The following PLIN3 variants were observed in gnomAD, a reference collection of about 807,000 sequenced individuals.
PLIN3 encodes perilipin 3.
A neutral mutation model predicts 35.9 loss-of-function variants in PLIN3; 30 were observed. The observed-to-expected ratio is 0.84, with a 90% CI of 0.62 to 1.13. The LOEUF is 1.13. PLIN3 is among the 50% of genes most tolerant of loss of function. PLIN3 has a pLI of 0.00. For synonymous variants in PLIN3, 261 were observed against 262.5 expected (o/e 0.99, Z 0.06); for missense variants, 603 against 596.9 (o/e 1.01, Z -0.11).
intron 1 of PLIN3, among the ~76,000 whole-genome samples, chr19:4,865,048 CG>C (rs2030803570): frequency 1.3e-5 from 2 of 151,876 alleles, no homozygotes; most frequent in South Asian, 4.2e-4. Flanking sequence ...AAATTAGGTG[CG>C]GGTGTGGTGG....
intron 7 of PLIN3, among the ~76,000 whole-genome samples, chr19:4,843,148 G>C (rs577741467): frequency 6.6e-6 from 1 of 152,068 alleles, no homozygotes; most frequent in South Asian, 2.1e-4. Context: ...CTTGAACCCA[G>C]GAGGCAGAGG....
intron 5 of PLIN3, among the ~76,000 whole-genome samples, chr19:4,850,823 G>A (rs1010146983): frequency 6.6e-6 from 1 of 151,526 alleles, no homozygotes; most frequent in South Asian, 2.1e-4. Flanking sequence ...TGCCCACCTC[G>A]GCCCACCAAA....
At chr19:4,850,851 T>G (rs968687244) in intron 5 of PLIN3, among the ~76,000 whole-genome samples, 5 of 151,788 alleles carry the variant, frequency 3.3e-5, no homozygotes, top group Non-Finnish European at 7.4e-5. Flanking sequence ...GATTACAGGC[T>G]GAGCCACCGC....
chr19:4,854,861 T>A (rs2030421006), intron 4 of PLIN3, among the ~76,000 whole-genome samples: 1 of 152,022 alleles, frequency 6.6e-6, no homozygotes, highest in Admixed American at 6.6e-5. Flanking sequence ...ACACCTGTCA[T>A]CCCGGCACTT....
chr19:4,839,447 G>A lies in PLIN3; in HGVS notation c.1050C>T (p.Gly350=). The change falls in exon 8 of 8, where the codon GGC becomes GGT. Residue 350 remains glycine, a synonymous_variant. Coordinates refer to ENST00000221957, the MANE Select transcript of PLIN3 (RefSeq NM_005817.5). ...CCTGGTCCTTCACATTGGTGGGGAG[G>A]CCCTGAATGCTGGACCCCAGGGAGG... The part of the protein sequence containing the change: ...TCTSLGSSIQ[G]LPTNVKDQVQ... The A allele has an allele frequency of 3.8e-6, 6 of 1,593,042 alleles. No individual in the cohort carries two copies. The highest frequency in any genetic ancestry group is 4.3e-6 in the Non-Finnish European group (5 of 1,165,680).
Position 4,844,785 on chromosome 19 carries a change from A to T in PLIN3, c.843T>A (p.Thr281=). ...QLSQVLSLME[T]VKQGVDQKLV... The stretch of plus-strand genomic sequence containing the variant: ...GCTTCTGATCAACGCCTTGCTTGAC[A>T]GTTTCCATCTGGGGCAGGGGAGAGA... The change falls in exon 7 of 8, where the codon ACT becomes ACA. Residue 281 remains threonine (T), a synonymous_variant. Transcript: ENST00000221957. The T allele has an allele frequency of 1.3e-6, 2 of 1,598,488 alleles. No homozygotes were observed. The highest frequency in any genetic ancestry group is 1.1e-5 in the South Asian group (1 of 88,522).
rs71170861 is a variant in PLIN3 at position 4,864,098 on chromosome 19, A to AGTGT, written c.-17-2691_-17-2688dup. ...CAGGCACGCACCACCACACCTGGCT[A>AGTGT]GTGTGTGTGTGTGTGTGTGTGTGTG... On this transcript the variant is annotated intron_variant, in intron 1 of 7. Coordinates refer to ENST00000221957, the MANE Select transcript of PLIN3 (RefSeq NM_005817.5). Among the ~76,000 whole-genome samples, 251 of 125,372 alleles carry AGTGT rather than the reference A, an allele frequency of 2.0e-3. 1 individual carries two copies. Among genetic ancestry groups the AGTGT allele is most frequent in the Middle Eastern group, 4.0e-3 (1 of 248 alleles). 82.2% of individuals were successfully genotyped at this position (125,372 alleles called of 152,430 possible). A position where few individuals can be genotyped will look rare whatever the true frequency, so the allele number is the denominator to read the frequency against.
At position 4,860,828 on chromosome 19, in the gene PLIN3, G is replaced by A. The variant is rs148133604; in HGVS notation, c.66+501C>T. Among the ~76,000 whole-genome samples, 164 of 152,088 alleles carry A rather than the reference G, an allele frequency of 1.1e-3. 2 individuals are homozygous for A. In the East Asian group the frequency reaches 0.015, roughly 14 times the overall value. On this transcript the variant is annotated intron_variant, in intron 2 of 7. Transcript: ENST00000221957. ...TCTACTAAAAATACAAAAATTAGCCGGGCGTGGTGGCACATGCCTGTTACC... is the reference window on the plus strand; with the variant it reads ...TCTACTAAAAATACAAAAATTAGCCAGGCGTGGTGGCACATGCCTGTTACC...
At chr19:4,857,368 G>C (rs1196159426) in intron 4 of PLIN3, among the ~76,000 whole-genome samples, 6 of 151,942 alleles carry the variant, frequency 3.9e-5, no homozygotes, top group Middle Eastern at 3.4e-3. Flanking sequence ...CCAGGAGTCT[G>C]AGAACAGCCT....
chr19:4,856,477 G>A (rs2030479652), intron 4 of PLIN3, among the ~76,000 whole-genome samples: 1 of 151,808 alleles, frequency 6.6e-6, no homozygotes, highest in Admixed American at 6.6e-5. Context: ...AGAATCGCTT[G>A]AGCCCGAGAG....
chr19:4,852,451 C>T, intron 4 of PLIN3, 150 bp from the exon 5 acceptor site: 1 of 951,540 alleles, frequency 1.1e-6, no homozygotes, highest in Non-Finnish European at 1.5e-6. Context: ...TGTGGGCACC[C>T]CTCCCCTGCA....
chr19:4,862,614 A>C (rs1165433738), intron 1 of PLIN3, among the ~76,000 whole-genome samples: 1 of 152,154 alleles, frequency 6.6e-6, no homozygotes, highest in African/African-American at 2.4e-5. Flanking sequence ...ACACGTCAGG[A>C]AGCAAGGCTT....
chr19:4,864,098 AGTGT>A (rs71170861), intron 1 of PLIN3, among the ~76,000 whole-genome samples: 3,800 of 125,242 alleles, frequency 0.03, 88 homozygotes, highest in East Asian at 0.047. Flanking sequence ...ACACCTGGCT[AGTGT>A]GTGTGTGTGT....
At chr19:4,860,865 G>A (rs1312193578) in intron 2 of PLIN3, among the ~76,000 whole-genome samples, 2 of 152,098 alleles carry the variant, frequency 1.3e-5, no homozygotes, top group Non-Finnish European at 2.9e-5. Context: ...CAGCTACTTG[G>A]GAGGCTGAGG....
rs767103876 is a variant in PLIN3, at chr19:4,855,253, A to AAC, written c.349-2953_349-2952insGT. 4.2e-5 allele frequency among the ~76,000 whole-genome samples: 2 copies of AAC among 47,790 alleles called. 1 individual carries two copies. The highest frequency in any genetic ancestry group is 8.3e-4 in the East Asian group (2 of 2,406). The allele number at this position is 47,790 out of a possible 152,430, so 31.4% of individuals were successfully genotyped here. ...CAACAGAACGAGACTCCATCTGAAA[A>AAC]AAAAAAAAAAAAAAAAAAAAAGCTC... On this transcript the variant is annotated intron_variant, in intron 4 of 7. Coordinates refer to ENST00000221957, the MANE Select transcript of PLIN3 (RefSeq NM_005817.5).
Position 4,859,911 on chromosome 19 carries a change from G to A in PLIN3, c.180C>T (p.Cys60=), listed in dbSNP as rs947646583. The part of the protein sequence containing the change: ...KESYPHIKTV[C]DAAEKGVRTL... ...TCCTCACTCCCTTCTCTGCTGCGTC[G>A]CAGACAGTCTTGATGTGCGGGTAGC... The change falls in exon 3 of 8, where the codon TGC becomes TGT. Residue 60 remains cysteine, a synonymous_variant. Coordinates refer to ENST00000221957, the MANE Select transcript of PLIN3 (RefSeq NM_005817.5). 2.4e-5 allele frequency: 38 copies of A among 1,613,862 alleles called. No individual in the cohort carries two copies. The South Asian group carries it at 2.5e-4, about 11-fold the overall frequency.
intron 4 of PLIN3, among the ~76,000 whole-genome samples, chr19:4,855,137 C>G (rs1489991577): frequency 6.6e-6 from 1 of 151,080 alleles, no homozygotes; most frequent in Non-Finnish European, 1.5e-5. Flanking sequence ...ATAATCCCAG[C>G]TACTTGGGAG....
intron 5 of PLIN3, among the ~76,000 whole-genome samples, chr19:4,850,861 C>T (rs1186825414): frequency 5.3e-5 from 8 of 152,048 alleles, no homozygotes; most frequent in African/African-American, 1.4e-4. Context: ...TGAGCCACCG[C>T]GCCCTGCCTA....
chr19:4,859,496 G>T, intron 4 of PLIN3, 94 bp downstream of exon 4: 1 of 1,012,426 alleles, frequency 9.9e-7, no homozygotes, highest in Non-Finnish European at 1.6e-6. Flanking sequence ...CAGGGAGGAT[G>T]CCATCAAGCT....
Sources: gnomAD v4.1 joint callset for allele counts (sites outside exome capture counted in the v4.1 genomes callset) on GRCh38, gnomAD v4.1.1 for gene constraint, MANE v1.5 for transcripts, NCBI Gene and HGNC (gene_info 2026-07-23, HGNC 2026-07-21) for gene names.